The following GPC6 variants were observed in gnomAD, a reference collection of about 807,000 sequenced individuals.
GPC6 encodes the protein glypican-6.
In GPC6, 14 loss-of-function variants were observed where a neutral mutation model predicts 55.2. The observed-to-expected ratio is 0.25, with a 90% CI of 0.17 to 0.40. The LOEUF (loss-of-function observed/expected upper bound fraction) is 0.40. Ranked by LOEUF, GPC6 falls within the 10% of genes least tolerant of loss-of-function variation. The pLI, the probability that GPC6 is intolerant of heterozygous loss-of-function variation, is 1.00. For synonymous variants in GPC6, 278 were observed against 259.6 expected (o/e 1.07, Z -0.68); for missense variants, 641 against 708.5 (o/e 0.90, Z 1.08).
At chr13:93,650,068 G>A (rs999134427) in intron 2 of GPC6, among the ~76,000 whole-genome samples, 27 of 152,220 alleles carry the variant, frequency 1.8e-4, no homozygotes, top group East Asian at 1.9e-4. Context: ...CACATGTTTC[G>A]TGATTCTCAG....
intron 2 of GPC6, among the ~76,000 whole-genome samples, chr13:93,726,565 T>C (rs1883651417): frequency 6.6e-6 from 1 of 152,140 alleles, no homozygotes; most frequent in African/African-American, 2.4e-5. Flanking sequence ...CAGATGTATG[T>C]AGATCTGCAA....
the GPC6 span, among the ~76,000 whole-genome samples, chr13:93,220,949 C>T: frequency 1.3e-5 from 2 of 152,250 alleles, no homozygotes; most frequent in Non-Finnish European, 2.9e-5. Context: ...AGTGCACTGT[C>T]ACCACTCACT....
intron 2 of GPC6, among the ~76,000 whole-genome samples, chr13:93,656,945 A>G (rs1235644470): frequency 6.6e-6 from 1 of 152,034 alleles, no homozygotes; most frequent in Non-Finnish European, 1.5e-5. Flanking sequence ...TTTGCTGAAA[A>G]AAATTAGAGA....
intron 1 of GPC6, among the ~76,000 whole-genome samples, chr13:93,297,929 C>T (rs1878548276): frequency 6.6e-6 from 1 of 152,172 alleles, no homozygotes; most frequent in Non-Finnish European, 1.5e-5. Context: ...AAAGCAATCC[C>T]TCTGTCTTAC....
chr13:93,924,260 C>G (rs1877731412), intron 3 of GPC6, among the ~76,000 whole-genome samples: 1 of 152,236 alleles, frequency 6.6e-6, no homozygotes, highest in Admixed American at 6.5e-5. Context: ...ATTCCCAGCT[C>G]TGTGGCTGCT....
chr13:93,521,112 G>A (rs1881404213), intron 1 of GPC6, among the ~76,000 whole-genome samples: 1 of 151,800 alleles, frequency 6.6e-6, no homozygotes. Context: ...GGGAATATAA[G>A]GAAATCTTTT....
chr13:93,556,553 C>T (rs1875493886), intron 2 of GPC6, among the ~76,000 whole-genome samples: 1 of 151,452 alleles, frequency 6.6e-6, no homozygotes, highest in Non-Finnish European at 1.5e-5. Flanking sequence ...TCCAGTTACA[C>T]TGTAAGTTAT....
At chr13:93,650,628 C>A (rs1880369551) in intron 2 of GPC6, among the ~76,000 whole-genome samples, 1 of 150,962 alleles carries the variant, frequency 6.6e-6, no homozygotes, top group South Asian at 2.1e-4. Flanking sequence ...TAGGTAGTAG[C>A]AGAAGTCTTT....
chr13:94,007,634 T>C (rs1326505691), intron 3 of GPC6, among the ~76,000 whole-genome samples: 1 of 152,194 alleles, frequency 6.6e-6, no homozygotes, highest in Non-Finnish European at 1.5e-5. Context: ...TAAGTCTTTT[T>C]AGCAGTTTAT....
At chr13:93,646,291 A>C (rs1032231045) in intron 2 of GPC6, among the ~76,000 whole-genome samples, 1 of 152,118 alleles carries the variant, frequency 6.6e-6, no homozygotes, top group Non-Finnish European at 1.5e-5. Context: ...AAGTAGTCCC[A>C]AGCTATGTTT....
intron 2 of GPC6, among the ~76,000 whole-genome samples, chr13:93,764,008 A>G (rs1320741600): frequency 6.6e-6 from 1 of 152,098 alleles, no homozygotes; most frequent in African/African-American, 2.4e-5. Flanking sequence ...TATATCACAG[A>G]TCGGATCTAC....
intron 2 of GPC6, among the ~76,000 whole-genome samples, chr13:93,696,369 C>A (rs1439232473): frequency 1.3e-5 from 2 of 152,054 alleles, no homozygotes; most frequent in Non-Finnish European, 2.9e-5. Context: ...ATGAAATAAT[C>A]CACATACTAA....
intron 7 of GPC6, among the ~76,000 whole-genome samples, chr13:94,397,034 G>T (rs1016035883): frequency 6.6e-6 from 1 of 152,136 alleles, no homozygotes; most frequent in South Asian, 2.1e-4. Context: ...ATGTTTTACT[G>T]CAGTGCCTGG....
At chr13:94,209,962 C>T (rs1397025952) in intron 4 of GPC6, among the ~76,000 whole-genome samples, 1 of 152,092 alleles carries the variant, frequency 6.6e-6, no homozygotes, top group Non-Finnish European at 1.5e-5. Context: ...ATCTTCCCAC[C>T]TCAGCCTCCT....
chr13:94,049,626 C>T (rs1048541187), intron 4 of GPC6, among the ~76,000 whole-genome samples: 1 of 152,094 alleles, frequency 6.6e-6, no homozygotes, highest in African/African-American at 2.4e-5. Flanking sequence ...TGTGGCACCT[C>T]CAGTCATTCC....
intron 3 of GPC6, among the ~76,000 whole-genome samples, chr13:93,839,515 TTATGTGGTGTATCACATTTATTCTGAA>T (rs1433500449): frequency 6.6e-6 from 1 of 152,110 alleles, no homozygotes; most frequent in Non-Finnish European, 1.5e-5. Flanking sequence ...TTTATTCTGT[TTATGTGGTGTATCACATTTATTCTGAA>T]TGTAAACTGT....
At chr13:94,258,612 T>C (rs972452968) in intron 4 of GPC6, among the ~76,000 whole-genome samples, 3 of 152,226 alleles carry the variant, frequency 2.0e-5, no homozygotes, top group African/African-American at 7.2e-5. Context: ...TTTGTTAGGA[T>C]AGAGGTATCT....
At chr13:93,282,421 C>T (rs544148997) in intron 1 of GPC6, among the ~76,000 whole-genome samples, 1 of 152,162 alleles carries the variant, frequency 6.6e-6, no homozygotes, top group African/African-American at 2.4e-5. Flanking sequence ...CCTACCCCGC[C>T]CCCAGTATGA....
chr13:93,346,162 T>C (rs182888338), intron 1 of GPC6, among the ~76,000 whole-genome samples: 1 of 152,298 alleles, frequency 6.6e-6, no homozygotes, highest in Admixed American at 6.5e-5. Context: ...CATTTTTTTT[T>C]CATTAAGTTT....
Sources: gnomAD v4.1 joint callset for allele counts (sites outside exome capture counted in the v4.1 genomes callset) on GRCh38, gnomAD v4.1.1 for gene constraint, MANE v1.5 for transcripts, NCBI Gene and HGNC (gene_info 2026-07-23, HGNC 2026-07-21) for gene names.